The following STAG1 variants were observed in gnomAD, a reference collection of about 807,000 sequenced individuals.
STAG1 encodes STAG1 cohesin complex component, also known as cohesin subunit SA-1.
STAG1 carries 26 observed loss-of-function variants against 170.9 expected under a neutral mutation model. The ratio of observed to expected loss-of-function variants is 0.15; its 90% CI spans 0.11 to 0.21. The LOEUF (loss-of-function observed/expected upper bound fraction) is 0.21, where lower values mean the gene tolerates loss of function less well. STAG1 is among the 10% of genes least tolerant of loss of function. The pLI is 1.00. For missense variants in STAG1, 964 were observed against 1,509.5 expected (o/e 0.64, Z 5.99); for synonymous variants, 514 against 497.7 (o/e 1.03, Z -0.44).
At chr3:136,467,271 A>G (rs545646855) in intron 12 of STAG1, among the ~76,000 whole-genome samples, 18 of 152,266 alleles carry the variant, frequency 1.2e-4, no homozygotes, top group East Asian at 5.8e-4. Context: ...CCCATCTCAC[A>G]TGCAGAGACA....
intron 11 of STAG1, 108 bp from the exon 12 acceptor site, chr3:136,472,600 A>T (rs2089653861): frequency 2.9e-6 from 2 of 685,156 alleles, no homozygotes; most frequent in Non-Finnish European, 4.9e-6. Flanking sequence ...TGATAGGTTA[A>T]ATAAAAAGCT....
At chr3:136,687,141 T>C (rs73230040) in intron 1 of STAG1, among the ~76,000 whole-genome samples, 5,767 of 152,308 alleles carry the variant, frequency 0.038, 131 homozygotes, top group Non-Finnish European at 0.058. Flanking sequence ...ACTGGTATTT[T>C]TTCTTTAATT....
chr3:136,336,310 T>C lies in STAG1; in HGVS notation c.*1944A>G, dbSNP rs1398743344. The C allele has an allele frequency of 6.6e-6, 1 of 152,200 alleles. No individual in the cohort carries two copies. Among genetic ancestry groups the C allele is most frequent in the Non-Finnish European group, 1.5e-5 (1 of 68,028 alleles). 9.4% of individuals were successfully genotyped at this position (152,200 alleles called of 1,614,324 possible). On this transcript the variant is annotated 3_prime_UTR_variant, in exon 34 of 34. Transcript: ENST00000383202. ...GTACAAAAGGAAAAAAAACCTCATA[T>C]TGCAAATGTACAATTTACAGAATTA...
intron 21 of STAG1, 158 bp downstream of exon 21, chr3:136,417,727 A>G: frequency 1.6e-6 from 1 of 618,284 alleles, no homozygotes; most frequent in Non-Finnish European, 2.8e-6. Flanking sequence ...TAATACACCT[A>G]TCAATAACAT....
chr3:136,711,472 G>A (rs745908107), intron 1 of STAG1, among the ~76,000 whole-genome samples: 11 of 151,862 alleles, frequency 7.2e-5, no homozygotes, highest in Non-Finnish European at 1.6e-4. Flanking sequence ...GAGACAGGAG[G>A]ATCGTATAAG....
intron 4 of STAG1, among the ~76,000 whole-genome samples, chr3:136,584,498 C>T (rs1310076600): frequency 6.6e-6 from 1 of 152,212 alleles, no homozygotes; most frequent in East Asian, 1.9e-4. Flanking sequence ...ACCACCACTC[C>T]TCCACCTTGT....
intron 1 of STAG1, among the ~76,000 whole-genome samples, chr3:136,633,146 T>G (rs949297391): frequency 6.6e-6 from 1 of 152,208 alleles, no homozygotes; most frequent in Non-Finnish European, 1.5e-5. Flanking sequence ...TGTCCATTTT[T>G]TTAATGTTAA....
intron 3 of STAG1, among the ~76,000 whole-genome samples, chr3:136,622,850 G>A (rs1939927671): frequency 6.6e-6 from 1 of 152,180 alleles, no homozygotes; most frequent in African/African-American, 2.4e-5. Flanking sequence ...AGTTGCATCT[G>A]AAAAGCAGCA....
At chr3:136,589,013 C>T (rs536534245) in intron 4 of STAG1, among the ~76,000 whole-genome samples, 1 of 152,218 alleles carries the variant, frequency 6.6e-6, no homozygotes, top group African/African-American at 2.4e-5. Context: ...TACCCGCCTT[C>T]GTCTCCCAAA....
At chr3:136,663,055 TA>T in intron 1 of STAG1, among the ~76,000 whole-genome samples, 1 of 151,710 alleles carries the variant, frequency 6.6e-6, no homozygotes, top group East Asian at 1.9e-4. Context: ...CCATCTCAAA[TA>T]AATAAAATAA....
At chr3:136,371,231 G>A (rs1937321235) in intron 23 of STAG1, among the ~76,000 whole-genome samples, 1 of 152,270 alleles carries the variant, frequency 6.6e-6, no homozygotes, top group Non-Finnish European at 1.5e-5. Flanking sequence ...ATCTGTCTGA[G>A]TTCATTGTAG....
chr3:136,414,101 T>C (rs1017488514), intron 21 of STAG1, among the ~76,000 whole-genome samples: 2 of 152,234 alleles, frequency 1.3e-5, no homozygotes, highest in African/African-American at 2.4e-5. Flanking sequence ...GCTTGAAATG[T>C]TGATGGCTGC....
At chr3:136,577,754 A>T (rs915779574) in intron 4 of STAG1, among the ~76,000 whole-genome samples, 12 of 152,244 alleles carry the variant, frequency 7.9e-5, no homozygotes, top group African/African-American at 2.9e-4. Context: ...TATACTCAAC[A>T]GAAATCTGAG....
intron 1 of STAG1, among the ~76,000 whole-genome samples, chr3:136,644,317 TAAGTG>T (rs781222260): frequency 2.0e-5 from 3 of 152,214 alleles, no homozygotes; most frequent in African/African-American, 7.2e-5. Context: ...AAGAACAAGT[TAAGTG>T]AAGTATAAAA....
At chr3:136,606,749 G>GTT (rs1303405207) in intron 3 of STAG1, among the ~76,000 whole-genome samples, 1 of 135,310 alleles carries the variant, frequency 7.4e-6, no homozygotes, top group Non-Finnish European at 1.6e-5. Context: ...GAGGTAACAT[G>GTT]CTTTTTTTTT....
chr3:136,539,647 A>G (rs1323257545), intron 6 of STAG1, among the ~76,000 whole-genome samples: 2 of 152,254 alleles, frequency 1.3e-5, no homozygotes, highest in Non-Finnish European at 2.9e-5. Flanking sequence ...TTCTACAGCT[A>G]GCTCTATCAA....
At chr3:136,376,618 A>G (rs1937617988) in intron 23 of STAG1, among the ~76,000 whole-genome samples, 1 of 152,120 alleles carries the variant, frequency 6.6e-6, no homozygotes, top group African/African-American at 2.4e-5. Context: ...CTGGGTGGTG[A>G]ATGGGCAGCT....
intron 16 of STAG1, among the ~76,000 whole-genome samples, chr3:136,433,277 T>C (rs1480999964): frequency 6.6e-6 from 1 of 151,974 alleles, no homozygotes; most frequent in African/African-American, 2.4e-5. Context: ...AGCCTTTATG[T>C]ACTTTTAATA....
intron 1 of STAG1, among the ~76,000 whole-genome samples, chr3:136,668,338 CAT>C (rs1941869621): frequency 7.2e-6 from 1 of 138,106 alleles, no homozygotes; most frequent in Admixed American, 7.3e-5. Flanking sequence ...TGATATATAC[CAT>C]ATATTATACA....
Sources: gnomAD v4.1 joint callset for allele counts (sites outside exome capture counted in the v4.1 genomes callset) on GRCh38, gnomAD v4.1.1 for gene constraint, MANE v1.5 for transcripts, NCBI Gene and HGNC (gene_info 2026-07-23, HGNC 2026-07-21) for gene names.